Variants in WWP1 observed in about 807,000 individuals in gnomAD.
WWP1 encodes the protein WW domain containing E3 ubiquitin protein ligase 1, also known as NEDD4-like E3 ubiquitin-protein ligase WWP1.
A neutral mutation model predicts 130.6 loss-of-function variants in WWP1; 49 were observed. The observed-to-expected ratio is 0.38, with a 90% CI of 0.30 to 0.48. WWP1 has a LOEUF of 0.48. Among genes scored for constraint, WWP1 ranks in the 20% least tolerant of loss-of-function variants. WWP1 has a pLI of 0.99. For synonymous variants in WWP1, 332 were observed against 367.8 expected (o/e 0.90, Z 1.11); for missense variants, 809 against 1,100.6 (o/e 0.74, Z 3.75).
chr8:86,389,032 T>C (rs544136148), intron 5 of WWP1, among the ~76,000 whole-genome samples: 2 of 152,348 alleles, frequency 1.3e-5, no homozygotes, highest in East Asian at 3.9e-4. Flanking sequence ...GATAACTTGC[T>C]TAAAGTTAGA....
intron 1 of WWP1, among the ~76,000 whole-genome samples, chr8:86,352,220 T>TTTTATTTA (rs144926323): frequency 5.3e-5 from 8 of 150,504 alleles, no homozygotes; most frequent in Non-Finnish European, 8.9e-5. Flanking sequence ...AATTTTTTAT[T>TTTTATTTA]TTTATTTATT....
chr8:86,384,043 G>A (rs186933627), intron 5 of WWP1, among the ~76,000 whole-genome samples: 422 of 152,296 alleles, frequency 2.8e-3, no homozygotes, highest in African/African-American at 9.6e-3. Flanking sequence ...TTCTTGGCTT[G>A]TAGATGGACA....
intron 1 of WWP1, among the ~76,000 whole-genome samples, chr8:86,345,201 G>A (rs961984681): frequency 2.0e-5 from 3 of 152,168 alleles, no homozygotes; most frequent in African/African-American, 7.2e-5. Context: ...TTGGTTGGGA[G>A]AACAGTGGTA....
intron 1 of WWP1, among the ~76,000 whole-genome samples, chr8:86,354,378 ATAAG>A (rs777572937): frequency 8.5e-5 from 13 of 152,162 alleles, no homozygotes; most frequent in Non-Finnish European, 1.8e-4. Context: ...TTGTGTGTGG[ATAAG>A]TAAGGTTAAT....
intron 2 of WWP1, 143 bp from the exon 3 acceptor site, chr8:86,373,887 T>G: frequency 1.8e-6 from 1 of 565,506 alleles, no homozygotes; most frequent in Non-Finnish European, 3.0e-6. Context: ...TTTAGGGTTT[T>G]CTTTTAATGG....
At chr8:86,385,129 G>A (rs752197881) in intron 5 of WWP1, among the ~76,000 whole-genome samples, 3 of 151,806 alleles carry the variant, frequency 2.0e-5, no homozygotes, top group Non-Finnish European at 2.9e-5. Flanking sequence ...AACATTTTTT[G>A]TTCCTATCCT....
chr8:86,448,620 C>A, intron 20 of WWP1, 107 bp downstream of exon 20: 1 of 1,041,266 alleles, frequency 9.6e-7, no homozygotes, highest in Non-Finnish European at 1.3e-6. Flanking sequence ...GGAAGTTCTT[C>A]TCACCAGTAC....
At chr8:86,370,162 T>C (rs1170270765) in intron 2 of WWP1, among the ~76,000 whole-genome samples, 1 of 152,232 alleles carries the variant, frequency 6.6e-6, no homozygotes, top group Non-Finnish European at 1.5e-5. Context: ...AATTTCATAA[T>C]CATGTTTGTA....
At chr8:86,372,743 T>G (rs1824398618) in intron 2 of WWP1, among the ~76,000 whole-genome samples, 1 of 152,206 alleles carries the variant, frequency 6.6e-6, no homozygotes, top group African/African-American at 2.4e-5. Flanking sequence ...CATTGGTCTG[T>G]TTTAGGGCTT....
intron 20 of WWP1, among the ~76,000 whole-genome samples, chr8:86,451,367 G>A (rs567410815): frequency 3.7e-4 from 56 of 151,982 alleles, no homozygotes; most frequent in Non-Finnish European, 7.1e-4. Context: ...CTATAGTGGC[G>A]CCTACAGTGA....
intron 11 of WWP1, among the ~76,000 whole-genome samples, chr8:86,428,912 A>C (rs1037045971): frequency 2.0e-5 from 3 of 152,234 alleles, no homozygotes; most frequent in African/African-American, 7.2e-5. Flanking sequence ...GGGCAGAATG[A>C]GGTAACAGAT....
chr8:86,432,402 C>G (rs1404562539), intron 14 of WWP1, among the ~76,000 whole-genome samples: 1 of 152,132 alleles, frequency 6.6e-6, no homozygotes, highest in African/African-American at 2.4e-5. Flanking sequence ...ATCAAAGTCT[C>G]GTCCCTCTGC....
intron 9 of WWP1, among the ~76,000 whole-genome samples, chr8:86,413,589 A>G (rs1417634895): frequency 6.6e-6 from 1 of 152,228 alleles, no homozygotes; most frequent in Non-Finnish European, 1.5e-5. Context: ...GTTAGCAAAT[A>G]GTGGAGGCAC....
intron 12 of WWP1, 46 bp downstream of exon 12, chr8:86,430,797 CCATA>C (rs772098692): frequency 1.1e-5 from 8 of 740,858 alleles, no homozygotes; most frequent in Admixed American, 5.2e-5. Flanking sequence ...ATATATCTCT[CCATA>C]TATATATATA....
intron 9 of WWP1, among the ~76,000 whole-genome samples, chr8:86,419,288 C>T (rs1324731561): frequency 2.0e-5 from 3 of 152,036 alleles, no homozygotes; most frequent in Non-Finnish European, 2.9e-5. Context: ...CATGGTGGCA[C>T]GCGCCTGTAG....
chr8:86,363,895 A>G (rs1305455943), intron 1 of WWP1, among the ~76,000 whole-genome samples: 1 of 151,972 alleles, frequency 6.6e-6, no homozygotes, highest in Non-Finnish European at 1.5e-5. Context: ...CTTTGTCACT[A>G]AAATGACAAA....
In WWP1 at chr8:86,395,824, T is replaced by C. The variant is rs561282797; in HGVS notation, c.335-2518T>C. ...TGAGATCATTACCAATACAAAATTA[T>C]ATGCCCAACTAGTCTGTCTTTTGAG... is the stretch of plus-strand genomic sequence containing the variant. On this transcript the variant is annotated intron_variant, in intron 5 of 24. Coordinates refer to ENST00000517970, the MANE Select transcript of WWP1 (RefSeq NM_007013.4). Among the ~76,000 whole-genome samples, 22 of 152,326 alleles carry C rather than the reference T, an allele frequency of 1.4e-4. 2 individuals carry two copies. The highest frequency in any genetic ancestry group is 4.3e-4 in the African/African-American group (18 of 41,578).
intron 1 of WWP1, among the ~76,000 whole-genome samples, chr8:86,353,705 A>T (rs546351803): frequency 1.5e-4 from 23 of 152,122 alleles, no homozygotes; most frequent in African/African-American, 5.3e-4. Context: ...CTGGTCTCGA[A>T]CTCCTGACCT....
Position 86,398,627 on chromosome 8 carries a change from G to T in WWP1, c.528G>T (p.Arg176Ser). ...ALHENGEPSA[R>S]TTARLAVEGT... ...ATGAAAATGGAGAGCCTTCAGCAAGGACAACTGCCAGGTAGAATATTTTAT... is the reference window on the plus strand; with the variant it reads ...ATGAAAATGGAGAGCCTTCAGCAAGTACAACTGCCAGGTAGAATATTTTAT... Residue 176 changes from arginine (R) to serine (S), a missense_variant, in exon 7 of 25, where the codon AGG becomes AGT. Arg to Ser is a moderately radical substitution (Grantham distance 110, BLOSUM62 -1). This residue lies in a region of WWP1 where 262 missense variants were observed against 346.0 expected (regional missense o/e 0.76). Coordinates refer to ENST00000517970, the MANE Select transcript of WWP1 (RefSeq NM_007013.4). The T allele has an allele frequency of 6.2e-7, 1 of 1,612,104 alleles. No homozygotes were observed. Among genetic ancestry groups the T allele is most frequent in the Non-Finnish European group, 8.5e-7 (1 of 1,179,718 alleles).
Sources: gnomAD v4.1 joint callset for allele counts (sites outside exome capture counted in the v4.1 genomes callset) on GRCh38, gnomAD v4.1.1 for gene constraint, gnomAD v4.1.1 regional missense constraint, MANE v1.5 for transcripts, NCBI Gene and HGNC (gene_info 2026-07-23, HGNC 2026-07-21) for gene names.